Variants in ARHGAP32 observed in about 807,000 individuals in gnomAD.
The protein encoded by ARHGAP32 is rho GTPase-activating protein 32.
A neutral mutation model predicts 186.5 loss-of-function variants in ARHGAP32; 51 were observed. The ratio of observed to expected loss-of-function variants is 0.27; its 90% CI spans 0.22 to 0.35. ARHGAP32 has a LOEUF of 0.35. Among genes scored for constraint, ARHGAP32 ranks in the 10% least tolerant of loss-of-function variants. The pLI is 1.00. For missense variants in ARHGAP32, 2,186 were observed against 2,623.5 expected (o/e 0.83, Z 3.64); for synonymous variants, 950 against 964.3 (o/e 0.99, Z 0.27).
intron 2 of ARHGAP32, among the ~76,000 whole-genome samples, chr11:129,150,884 G>A (rs950115569): frequency 2.0e-5 from 3 of 151,096 alleles, no homozygotes; most frequent in Admixed American, 6.6e-5. Flanking sequence ...AACAGTGAAT[G>A]TAAATGGCCT....
Position 128,970,323 on chromosome 11 carries a change from A to G in ARHGAP32, c.4890T>C (p.Pro1630=), listed in dbSNP as rs1945326975. ...ACTGATATGGCTTATATTGGTACAGAGGTCTTGGGCAGTAGGCTGGCTCAT... is the reference window on the plus strand; with the variant it reads ...ACTGATATGGCTTATATTGGTACAGGGGTCTTGGGCAGTAGGCTGGCTCAT... ...PDDEPAYCPR[P]LYQYKPYQSS... The change falls in exon 23 of 23, where the codon CCT becomes CCC. Residue 1630 remains proline (P), a synonymous_variant. Transcript: ENST00000682385. The surrounding 1 kb of genome is among the most constrained non-coding windows in gnomAD (Gnocchi z 5.8). 2 of 1,613,978 alleles carry G rather than the reference A, an allele frequency of 1.2e-6. No homozygotes were observed. Among genetic ancestry groups the G allele is most frequent in the East Asian group, 2.2e-5 (1 of 44,892 alleles).
At chr11:129,214,384 T>A (rs1397579940) in intron 1 of ARHGAP32, among the ~76,000 whole-genome samples, 1 of 152,220 alleles carries the variant, frequency 6.6e-6, no homozygotes, top group African/African-American at 2.4e-5. Flanking sequence ...TATCTGCAAC[T>A]TTTCCATAAA....
chr11:129,130,959 G>T (rs1591639318), intron 2 of ARHGAP32, among the ~76,000 whole-genome samples: 1 of 151,748 alleles, frequency 6.6e-6, no homozygotes, highest in Non-Finnish European at 1.5e-5. Context: ...CAGAATCAGT[G>T]AATAAATTAT....
chr11:129,123,447 T>A lies in ARHGAP32; in HGVS notation c.443A>T (p.Gln148Leu). ...HYENVEFGSIQLSLSEEQNEV... is the reference protein window; with the variant it reads ...HYENVEFGSILLSLSEEQNEV... The stretch of plus-strand genomic sequence containing the variant: ...GATGTAAGAAATATTTCAGTATACC[T>A]GTATGCTGCCGAACTCAACATTCTC... Residue 148 changes from glutamine (Q) to leucine (L), a missense_variant and splice_region_variant, in exon 5 of 23, where the codon CAG (glutamine) becomes CTG (leucine). Physicochemically the swap from Gln to Leu is moderately radical, Grantham distance 113. Around this residue, in one of 5 missense-constraint regions of ARHGAP32, gnomAD observed 308 missense variants for 596.5 expected, o/e 0.52. Coordinates refer to ENST00000682385, the MANE Select transcript of ARHGAP32 (RefSeq NM_001378024.1). The surrounding 1 kb of genome is among the most constrained non-coding windows in gnomAD (Gnocchi z 4.6). The A allele has an allele frequency of 6.2e-7, 1 of 1,610,974 alleles. No individual in the cohort carries two copies. Among genetic ancestry groups the A allele is most frequent in the Non-Finnish European group, 8.5e-7 (1 of 1,177,544 alleles).
At chr11:129,258,781 C>G (rs1420091668) in intron 1 of ARHGAP32, among the ~76,000 whole-genome samples, 1 of 152,128 alleles carries the variant, frequency 6.6e-6, no homozygotes, top group Admixed American at 6.6e-5. Flanking sequence ...CAACTATCAA[C>G]CAGTTAAGAT....
intron 1 of ARHGAP32, among the ~76,000 whole-genome samples, chr11:129,261,093 C>G (rs147459665): frequency 1.4e-4 from 22 of 152,072 alleles, no homozygotes; most frequent in Non-Finnish European, 2.8e-4. Context: ...TGGGTCCAAT[C>G]TCCTATTTTT....
chr11:129,196,339 A>G (rs1035299011), upstream of ARHGAP32, among the ~76,000 whole-genome samples: 1 of 152,202 alleles, frequency 6.6e-6, no homozygotes, highest in Non-Finnish European at 1.5e-5. Context: ...GGATGGTCCT[A>G]TCTGTATTGA....
chr11:129,211,019 T>C (rs1320362791), intron 1 of ARHGAP32, among the ~76,000 whole-genome samples: 1 of 152,168 alleles, frequency 6.6e-6, no homozygotes, highest in African/African-American at 2.4e-5. Context: ...GCTTTTTGCA[T>C]AGCACTTCCT....
rs1945485526 is a variant in ARHGAP32 at position 128,974,439 on chromosome 11, T to C, written c.2758A>G (p.Ser920Gly). The change falls in exon 21 of 23, where the codon AGC (serine) becomes GGC (glycine). Residue 920 changes from serine (S) to glycine (G), a missense_variant. Physicochemically the swap from Ser to Gly is moderately conservative, Grantham distance 56. Coordinates refer to ENST00000682385, the MANE Select transcript of ARHGAP32 (RefSeq NM_001378024.1). ...GTCACTGAAATTGGCTCAGATATGC[T>C]CATAGAAGGTGATTTGCTTAATTTC... The part of the protein sequence containing the change: ...GRKLSKSPSM[S>G]ISEPISVTLP... The C allele has an allele frequency of 1.2e-6, 2 of 1,614,210 alleles. No homozygotes were observed. The highest frequency in any genetic ancestry group is 1.7e-6 in the Non-Finnish European group (2 of 1,180,032).
chr11:129,238,000 A>T (rs895676271), intron 1 of ARHGAP32, among the ~76,000 whole-genome samples: 1 of 152,148 alleles, frequency 6.6e-6, no homozygotes, highest in East Asian at 1.9e-4. Context: ...TTTTGATGGT[A>T]GGGACAAGGG....
intron 1 of ARHGAP32, among the ~76,000 whole-genome samples, chr11:129,204,128 T>C (rs1463454265): frequency 2.0e-5 from 3 of 151,264 alleles, no homozygotes; most frequent in South Asian, 4.2e-4. Context: ...GTCCATGAGA[T>C]ACAGAAGGCA....
chr11:128,977,142 A>G (rs1945569895), intron 19 of ARHGAP32, among the ~76,000 whole-genome samples: 1 of 152,204 alleles, frequency 6.6e-6, no homozygotes, highest in Admixed American at 6.5e-5. Flanking sequence ...GAGCCTCTGG[A>G]GCAAGCACAG....
chr11:129,243,333 C>A (rs1311774849), intron 1 of ARHGAP32, among the ~76,000 whole-genome samples: 1 of 152,144 alleles, frequency 6.6e-6, no homozygotes, highest in Non-Finnish European at 1.5e-5. Flanking sequence ...CCTCTCATTC[C>A]CAGAAACACA....
intron 11 of ARHGAP32, among the ~76,000 whole-genome samples, chr11:129,002,805 ATT>A (rs36036048): frequency 8.4e-4 from 91 of 108,068 alleles, no homozygotes; most frequent in East Asian, 3.4e-3. Context: ...AGGGATGTTG[ATT>A]TTTTTTTTTT....
rs1472331721 is a variant in ARHGAP32, at chr11:128,965,654, G to C, written c.*3253C>G. 3 of 152,202 alleles carry C rather than the reference G, an allele frequency of 2.0e-5. No homozygotes were observed. Among genetic ancestry groups the C allele is most frequent in the Non-Finnish European group, 4.4e-5 (3 of 68,034 alleles). The allele number at this position is 152,202 out of a possible 1,614,324, so 9.4% of individuals were successfully genotyped here. A position where few individuals can be genotyped will look rare whatever the true frequency, so the allele number is the denominator to read the frequency against. On this transcript the variant is annotated 3_prime_UTR_variant, in exon 23 of 23. Coordinates refer to ENST00000682385, the MANE Select transcript of ARHGAP32 (RefSeq NM_001378024.1). ...ATCACATGCCTCTAACCATGTGGAAGAAGTAACTGTCTGACATACTTTTGC... is the reference window on the plus strand; with the variant it reads ...ATCACATGCCTCTAACCATGTGGAACAAGTAACTGTCTGACATACTTTTGC...
At chr11:129,065,182 TTG>T (rs1427675973) in intron 7 of ARHGAP32, among the ~76,000 whole-genome samples, 3 of 152,094 alleles carry the variant, frequency 2.0e-5, no homozygotes, top group African/African-American at 7.2e-5. Flanking sequence ...GTTTCTAATT[TTG>T]ACACTTTCTA....
chr11:129,254,059 G>A (rs1945222320), intron 1 of ARHGAP32, among the ~76,000 whole-genome samples: 1 of 152,042 alleles, frequency 6.6e-6, no homozygotes, highest in African/African-American at 2.4e-5. Context: ...TTTGTAATTA[G>A]AAGTAAATAA....
At chr11:128,998,528 A>G in intron 11 of ARHGAP32, 60 bp from the exon 12 acceptor site, 1 of 1,334,932 alleles carries the variant, frequency 7.5e-7, no homozygotes, top group Non-Finnish European at 1.0e-6. Flanking sequence ...TTTACTTAGC[A>G]TAAAAACAAA....
intron 11 of ARHGAP32, among the ~76,000 whole-genome samples, chr11:129,016,494 C>A (rs1938345616): frequency 6.6e-6 from 1 of 152,116 alleles, no homozygotes; most frequent in African/African-American, 2.4e-5. Flanking sequence ...ATTCTGCCAT[C>A]TTTAATCGAA....
Sources: gnomAD v4.1 joint callset for allele counts (sites outside exome capture counted in the v4.1 genomes callset) on GRCh38, gnomAD v4.1.1 for gene constraint, gnomAD v4.1.1 regional missense constraint, Gnocchi (gnomAD v3.1) non-coding constraint, MANE v1.5 for transcripts, NCBI Gene and HGNC (gene_info 2026-07-23, HGNC 2026-07-21) for gene names.